Variants in IQCM observed in about 807,000 individuals in gnomAD.
IQCM encodes IQ domain-containing protein M.
Under a neutral mutation model 57.6 loss-of-function variants are expected in IQCM, and 45 were observed. That is an observed-to-expected ratio of 0.78 (90% CI 0.62 to 1.00). The LOEUF is 1.00. Among genes scored for constraint, IQCM ranks in the 50% least tolerant of loss-of-function variants. The pLI is 0.00. For synonymous variants in IQCM, 148 were observed against 158.9 expected (o/e 0.93, Z 0.51); for missense variants, 468 against 511.6 (o/e 0.91, Z 0.82).
At chr4:149,716,977 G>A (rs945969594) in intron 5 of IQCM, among the ~76,000 whole-genome samples, 2 of 152,166 alleles carry the variant, frequency 1.3e-5, no homozygotes, top group Non-Finnish European at 2.9e-5. Flanking sequence ...CAGGAGGATG[G>A]CACATCCCAA....
intron 7 of IQCM, among the ~76,000 whole-genome samples, chr4:149,647,913 T>C (rs1479531446): frequency 6.6e-6 from 1 of 152,156 alleles, no homozygotes; most frequent in East Asian, 1.9e-4. Context: ...TTTTATAGTG[T>C]CATTCTTACC....
At chr4:149,600,924 G>T (rs1483361055) in intron 8 of IQCM, among the ~76,000 whole-genome samples, 1 of 152,050 alleles carries the variant, frequency 6.6e-6, no homozygotes, top group Non-Finnish European at 1.5e-5. Flanking sequence ...TTCATTATTT[G>T]AGAATGTATT....
intron 7 of IQCM, among the ~76,000 whole-genome samples, chr4:149,654,398 T>C (rs185027972): frequency 6.6e-6 from 1 of 152,102 alleles, no homozygotes; most frequent in Admixed American, 6.5e-5. Context: ...GTAGATGTGG[T>C]TGTTTAAGTG....
intron 7 of IQCM, among the ~76,000 whole-genome samples, chr4:149,665,066 C>A: frequency 6.6e-6 from 1 of 152,170 alleles, no homozygotes. Flanking sequence ...TGCAGAAACC[C>A]ATGTGAATGT....
chr4:149,545,605 C>T (rs1429313022), intron 12 of IQCM, among the ~76,000 whole-genome samples: 1 of 152,050 alleles, frequency 6.6e-6, no homozygotes, highest in African/African-American at 2.4e-5. Context: ...TAGATTGGTA[C>T]ACCCATTATG....
At chr4:149,433,938 A>G (rs1296636746) in intron 12 of IQCM, among the ~76,000 whole-genome samples, 1 of 152,148 alleles carries the variant, frequency 6.6e-6, no homozygotes, top group Non-Finnish European at 1.5e-5. Flanking sequence ...GAGTAAATAT[A>G]GAGTTCCATA....
intron 2 of IQCM, among the ~76,000 whole-genome samples, chr4:149,784,397 A>C (rs895075155): frequency 6.6e-6 from 1 of 152,168 alleles, no homozygotes; most frequent in Non-Finnish European, 1.5e-5. Context: ...CCTTAGTCAA[A>C]GATCATTTTG....
intron 9 of IQCM, among the ~76,000 whole-genome samples, chr4:149,586,125 C>T (rs1170495880): frequency 6.6e-6 from 1 of 151,564 alleles, no homozygotes; most frequent in South Asian, 2.1e-4. Context: ...CCAAATTAAC[C>T]AGGTAAAGAA....
At chr4:149,620,670 C>A (rs1712480015) in intron 8 of IQCM, among the ~76,000 whole-genome samples, 1 of 152,192 alleles carries the variant, frequency 6.6e-6, no homozygotes, top group Non-Finnish European at 1.5e-5. Flanking sequence ...CACAAGTTCT[C>A]ATGTCCTGGA....
Position 149,422,442 on chromosome 4 carries a change from T to A in IQCM, c.1390+10954A>T, listed in dbSNP as rs191727715. On this transcript the variant is annotated intron_variant, in intron 13 of 13. Transcript: ENST00000636793. Reference sequence around the variant, plus strand: ...GAGCGGGCAGTATTTCTTTCAGATTTTCCTTCAGAAAATATACAAAGGGCA... The same window carrying A: ...GAGCGGGCAGTATTTCTTTCAGATTATCCTTCAGAAAATATACAAAGGGCA... 1.3e-4 allele frequency among the ~76,000 whole-genome samples: 20 copies of A among 152,118 alleles called. No homozygotes were observed. The East Asian group carries it at 3.9e-3, about 30-fold the overall frequency.
At chr4:149,643,023 A>T (rs1758333002) in intron 7 of IQCM, among the ~76,000 whole-genome samples, 1 of 149,134 alleles carries the variant, frequency 6.7e-6, no homozygotes, top group South Asian at 2.1e-4. Flanking sequence ...AATTTTTTAA[A>T]TTTTTTCCTT....
intron 7 of IQCM, among the ~76,000 whole-genome samples, chr4:149,646,423 T>C (rs1460428039): frequency 1.3e-5 from 2 of 152,120 alleles, no homozygotes; most frequent in Non-Finnish European, 2.9e-5. Context: ...ATTTTTATTA[T>C]GTCTAAATTT....
At chr4:149,371,090 T>C (rs867529972) in intron 13 of IQCM, among the ~76,000 whole-genome samples, 9 of 152,156 alleles carry the variant, frequency 5.9e-5, no homozygotes, top group African/African-American at 2.2e-4. Flanking sequence ...GTAAGCATAG[T>C]TGTTAAGATG....
At chr4:149,592,087 C>A (rs527397676) in intron 8 of IQCM, among the ~76,000 whole-genome samples, 6 of 152,256 alleles carry the variant, frequency 3.9e-5, no homozygotes, top group Non-Finnish European at 8.8e-5. Context: ...TAAAAGTGTT[C>A]CTATTTCTCC....
intron 9 of IQCM, among the ~76,000 whole-genome samples, chr4:149,579,356 G>A (rs540960610): frequency 2.6e-5 from 4 of 151,968 alleles, no homozygotes; most frequent in East Asian, 2.0e-4. Flanking sequence ...AGAAGGCCCC[G>A]ATTTAGCCTG....
intron 13 of IQCM, among the ~76,000 whole-genome samples, chr4:149,389,336 T>C (rs1023570577): frequency 3.9e-5 from 6 of 152,064 alleles, no homozygotes; most frequent in African/African-American, 9.7e-5. Context: ...TCCCATTCCA[T>C]TTATTGATAT....
chr4:149,500,834 G>T (rs184938715), intron 12 of IQCM, among the ~76,000 whole-genome samples: 2 of 152,232 alleles, frequency 1.3e-5, no homozygotes, highest in East Asian at 3.9e-4. Context: ...GACACACAAA[G>T]ACAATTTCGT....
At chr4:149,606,762 A>G (rs887367539) in intron 8 of IQCM, among the ~76,000 whole-genome samples, 9 of 152,214 alleles carry the variant, frequency 5.9e-5, no homozygotes, top group African/African-American at 2.2e-4. Context: ...GAAAAATTCA[A>G]TTGACAAACT....
intron 12 of IQCM, among the ~76,000 whole-genome samples, chr4:149,457,307 T>C (rs1737805973): frequency 6.6e-6 from 1 of 152,088 alleles, no homozygotes; most frequent in Non-Finnish European, 1.5e-5. Flanking sequence ...GAAATCTCTC[T>C]GATTGTCCTC....
Sources: gnomAD v4.1 joint callset for allele counts (sites outside exome capture counted in the v4.1 genomes callset) on GRCh38, gnomAD v4.1.1 for gene constraint, MANE v1.5 for transcripts, NCBI Gene and HGNC (gene_info 2026-07-23, HGNC 2026-07-21) for gene names.